AFF1: variants seen among roughly 807,000 people sequenced by gnomAD.
AFF1 encodes the protein ALF transcription elongation factor 1, also known as AF4/FMR2 family member 1.
Under a neutral mutation model 121.7 loss-of-function variants are expected in AFF1, and 48 were observed. That is an observed-to-expected ratio of 0.39 (90% CI 0.31 to 0.50). The LOEUF (loss-of-function observed/expected upper bound fraction) is 0.50, where lower values mean the gene tolerates loss of function less well. Ranked by LOEUF, AFF1 falls within the 20% of genes least tolerant of loss-of-function variation. AFF1 has a pLI of 0.76. For missense variants in AFF1, 1,523 were observed against 1,511.7 expected, an observed-to-expected ratio of 1.01 and a Z score of -0.12; for synonymous variants, 613 against 563.0, an observed-to-expected ratio of 1.09 and a Z score of -1.26.
chr4:87,107,389 A>C (rs984449591), intron 10 of AFF1, among the ~76,000 whole-genome samples: 2 of 152,176 alleles, frequency 1.3e-5, no homozygotes, highest in Non-Finnish European at 2.9e-5. Flanking sequence ...TTTTCTTACT[A>C]ACTTAGATTT....
chr4:87,027,322 G>A (rs1174583963), intron 2 of AFF1, among the ~76,000 whole-genome samples: 2 of 152,236 alleles, frequency 1.3e-5, no homozygotes, highest in African/African-American at 4.8e-5. Flanking sequence ...TGCTTGGCGT[G>A]CATGCACGGA....
chr4:86,954,446 G>T (rs953619997), intron 2 of AFF1, among the ~76,000 whole-genome samples: 2 of 152,302 alleles, frequency 1.3e-5, no homozygotes, highest in African/African-American at 2.4e-5. Context: ...TCATTTCTAG[G>T]CATGGTGGCT....
chr4:86,975,801 CAG>C (rs1469590153), intron 2 of AFF1, among the ~76,000 whole-genome samples: 3 of 152,016 alleles, frequency 2.0e-5, no homozygotes, highest in Non-Finnish European at 4.4e-5. Flanking sequence ...TTGGGGGAGA[CAG>C]AAGTCAAATA....
intron 2 of AFF1, among the ~76,000 whole-genome samples, chr4:86,971,663 G>A (rs1045765239): frequency 1.3e-5 from 2 of 152,180 alleles, no homozygotes; most frequent in African/African-American, 4.8e-5. Context: ...AGAGCTATTA[G>A]ATAAATAGCA....
At chr4:87,019,430 G>GC (rs1393895594) in intron 2 of AFF1, among the ~76,000 whole-genome samples, 3 of 152,220 alleles carry the variant, frequency 2.0e-5, no homozygotes, top group Non-Finnish European at 4.4e-5. Flanking sequence ...GAGAGTTCCT[G>GC]CCCCATACTC....
chr4:87,097,495 C>T (rs1162191045), intron 8 of AFF1, among the ~76,000 whole-genome samples: 1 of 152,138 alleles, frequency 6.6e-6, no homozygotes, highest in Non-Finnish European at 1.5e-5. Flanking sequence ...TCAGAGGTGC[C>T]TGAAAGTAGC....
intron 2 of AFF1, among the ~76,000 whole-genome samples, chr4:86,969,811 C>T (rs1264531786): frequency 3.7e-5 from 5 of 134,276 alleles, no homozygotes; most frequent in South Asian, 4.7e-4. Flanking sequence ...ACCCGGGAGG[C>T]GGAGCTTGCA....
chr4:87,139,519 C>T lies in AFF1; in HGVS notation c.*3818C>T, dbSNP rs1729553135. 4.3e-6 allele frequency: 1 copy of T among 231,084 alleles called. No individual in the cohort carries two copies. The highest frequency in any genetic ancestry group is 8.6e-6 in the Non-Finnish European group (1 of 116,502). The allele number at this position is 231,084 out of a possible 1,614,324, so 14.3% of individuals were successfully genotyped here. ...TTAAATCTTGCAAGAATATTTTGTG[C>T]TTTCTTTAGAAACACAAGAGTATAG... is the stretch of plus-strand genomic sequence containing the variant. On this transcript the variant is annotated 3_prime_UTR_variant, in exon 21 of 21. Coordinates refer to ENST00000395146, the MANE Select transcript of AFF1 (RefSeq NM_001166693.3).
intron 12 of AFF1, among the ~76,000 whole-genome samples, chr4:87,115,869 T>C (rs1218772423): frequency 6.6e-6 from 1 of 152,078 alleles, no homozygotes; most frequent in Non-Finnish European, 1.5e-5. Context: ...CCTCTGCCTC[T>C]GCCTCCCAAA....
intron 2 of AFF1, among the ~76,000 whole-genome samples, chr4:86,992,400 C>T (rs1724799573): frequency 6.6e-6 from 1 of 152,306 alleles, no homozygotes; most frequent in African/African-American, 2.4e-5. Flanking sequence ...TTCCTAACAC[C>T]TTCCTTGCCA....
At chr4:86,960,428 C>T (rs577182244) in intron 2 of AFF1, among the ~76,000 whole-genome samples, 2 of 152,204 alleles carry the variant, frequency 1.3e-5, no homozygotes, top group Admixed American at 6.5e-5. Flanking sequence ...TTTTCCCACC[C>T]GACATCAGGA....
At chr4:87,065,402 T>A (rs931175490) in intron 4 of AFF1, among the ~76,000 whole-genome samples, 1 of 151,954 alleles carries the variant, frequency 6.6e-6, no homozygotes, top group Non-Finnish European at 1.5e-5. Flanking sequence ...AAGATGAGAT[T>A]TGGGTGGGGA....
At chr4:87,122,005 G>A (rs957419010) in intron 12 of AFF1, among the ~76,000 whole-genome samples, 1 of 152,168 alleles carries the variant, frequency 6.6e-6, no homozygotes, top group Non-Finnish European at 1.5e-5. Context: ...CTAGACTTTG[G>A]TGTTTTCTTT....
intron 2 of AFF1, among the ~76,000 whole-genome samples, chr4:86,969,635 C>T (rs1722783877): frequency 6.7e-6 from 1 of 150,016 alleles, no homozygotes; most frequent in African/African-American, 2.4e-5. Context: ...AATCCCAGCA[C>T]TTAGGGAGGC....
intron 8 of AFF1, among the ~76,000 whole-genome samples, chr4:87,100,047 A>T (rs1040126783): frequency 6.6e-6 from 1 of 152,204 alleles, no homozygotes; most frequent in Non-Finnish European, 1.5e-5. Context: ...ATTTGCATAT[A>T]TAAAACCTGG....
chr4:86,967,857 T>C (rs559848035), intron 2 of AFF1, among the ~76,000 whole-genome samples: 3 of 152,346 alleles, frequency 2.0e-5, no homozygotes, highest in East Asian at 3.9e-4. Context: ...ATTGGTTCTC[T>C]AAGTCTAGAG....
At chr4:87,105,593 A>G (rs771510169) in intron 8 of AFF1, 35 bp from the exon 9 acceptor site, 1 of 1,612,884 alleles carries the variant, frequency 6.2e-7, no homozygotes. Context: ...AAATCATTTC[A>G]CATTCATTCT....
intron 2 of AFF1, among the ~76,000 whole-genome samples, chr4:86,951,415 C>T (rs1578834025): frequency 1.3e-5 from 2 of 151,338 alleles, no homozygotes; most frequent in Non-Finnish European, 2.9e-5. Flanking sequence ...CTTTTCAATT[C>T]GTTACAGTTC....
intron 5 of AFF1, 150 bp downstream of exon 5, chr4:87,084,314 G>A (rs569623471): frequency 1.3e-4 from 102 of 764,632 alleles, no homozygotes; most frequent in Non-Finnish European, 2.1e-4. Flanking sequence ...CAAGGTGGGC[G>A]GATTGCTTGA....
Sources: allele counts gnomAD v4.1 joint callset (sites outside exome capture counted in the v4.1 genomes callset), GRCh38; gene constraint gnomAD v4.1.1; transcripts MANE v1.5; gene names NCBI Gene and HGNC (gene_info 2026-07-23, HGNC 2026-07-21).